The following PAN2 variants were observed in gnomAD, a reference collection of about 807,000 sequenced individuals.
The protein encoded by PAN2 is poly(A) specific ribonuclease subunit PAN2, also known as PAN2-PAN3 deadenylation complex catalytic subunit PAN2.
A neutral mutation model predicts 133.3 loss-of-function variants in PAN2; 68 were observed. That is an observed-to-expected ratio of 0.51 (90% CI 0.42 to 0.62). The LOEUF (loss-of-function observed/expected upper bound fraction) is 0.62. Ranked by LOEUF, PAN2 falls within the 20% of genes least tolerant of loss-of-function variation. The pLI is 0.00. For missense variants in PAN2, 1,042 were observed against 1,500.5 expected, an observed-to-expected ratio of 0.69 and a Z score of 5.05; for synonymous variants, 462 against 544.6, an observed-to-expected ratio of 0.85 and a Z score of 2.11.
intron 2 of PAN2, among the ~76,000 whole-genome samples, chr12:56,330,650 C>T (rs1047210259): frequency 1.6e-4 from 25 of 151,948 alleles, no homozygotes; most frequent in Non-Finnish European, 1.5e-5. Context: ...TGAGCCACCG[C>T]GCCCGGCCTG....
Position 56,317,042 on chromosome 12 carries a change from G to A in PAN2, c.*567C>T, listed in dbSNP as rs1032064272. On this transcript the variant is annotated 3_prime_UTR_variant, in exon 26 of 26. Transcript: ENST00000440411. ...CTTGGGACAGGCAAGTGGGATGGAA[G>A]ACAGATGCTTCTCAGCCATCAGCAG... The A allele has an allele frequency of 2.6e-5, 4 of 152,710 alleles. No individual in the cohort carries two copies. The highest frequency in any genetic ancestry group is 1.3e-4 in the Admixed American group (2 of 15,292). 9.5% of individuals were successfully genotyped at this position (152,710 alleles called of 1,614,324 possible). A position where few individuals can be genotyped will look rare whatever the true frequency, so the allele number is the denominator to read the frequency against.
chr12:56,332,683 C>T (rs1293939807), intron 2 of PAN2, 130 bp downstream of exon 2: 9 of 847,006 alleles, frequency 1.1e-5, no homozygotes, highest in Middle Eastern at 2.7e-4. Context: ...CTTTATCCCT[C>T]CAACCAGACC....
Position 56,326,639 on chromosome 12 carries a change from C to T in PAN2, c.1240G>A (p.Ala414Thr). 6.2e-7 allele frequency: 1 copy of T among 1,613,234 alleles called. No homozygotes were observed. Among genetic ancestry groups the T allele is most frequent in the Non-Finnish European group, 8.5e-7 (1 of 1,179,428 alleles). The change falls in exon 7 of 26, where the codon GCC (alanine) becomes ACC (threonine). Residue 414 changes from alanine to threonine, a missense_variant. Ala to Thr is a moderately conservative substitution (Grantham distance 58). Around this residue, in one of 3 missense-constraint regions of PAN2, gnomAD observed 908 missense variants for 1,223.5 expected, o/e 0.74. Transcript: ENST00000440411. ...TDTLLSDWPA[A>T]NSAPAPRRAP... ...AACCTGGGAGCTGGAGCAGAGTTGG[C>T]AGCAGGCCAATCAGAGAGAAGTGTG... is the stretch of plus-strand genomic sequence containing the variant.
At chr12:56,326,983 T>G (rs1169353668) in intron 6 of PAN2, 24 bp from the exon 7 acceptor site, 2 of 1,590,366 alleles carry the variant, frequency 1.3e-6, no homozygotes, top group Admixed American at 1.7e-5. Context: ...AGAAACCCAC[T>G]GAGCCCTAGA....
chr12:56,322,948 G>C (rs1374011237), intron 17 of PAN2, 114 bp downstream of exon 17: 1 of 1,363,048 alleles, frequency 7.3e-7, no homozygotes, highest in East Asian at 2.3e-5. Context: ...GTAAATACTA[G>C]GCCTTATTCT....
intron 3 of PAN2, 49 bp from the exon 4 acceptor site, chr12:56,328,407 A>G (rs371838420): frequency 6.7e-5 from 107 of 1,599,826 alleles, no homozygotes; most frequent in Non-Finnish European, 7.4e-5. Context: ...CAAGCTGCCA[A>G]TCCCTTAGCC....
intron 17 of PAN2, 89 bp downstream of exon 17, chr12:56,322,973 T>C (rs1462583057): frequency 6.6e-7 from 1 of 1,509,442 alleles, no homozygotes; most frequent in East Asian, 2.3e-5. Flanking sequence ...CTTTTCCCTC[T>C]GCTAAGTTTC....
chr12:56,318,825 C>T (rs903352313), intron 24 of PAN2, among the ~76,000 whole-genome samples: 3 of 152,040 alleles, frequency 2.0e-5, no homozygotes, highest in Admixed American at 6.6e-5. Context: ...GCACCCAATA[C>T]GTAATTTTCA....
rs771136363 is a variant in PAN2, at chr12:56,325,005, T to C, written c.1599+4A>G. ...TTCAAGTTACAGGAATACCCAACCC[T>C]TACCTGGATCATGCAGTTACAGTAG... On this transcript the variant is annotated splice_donor_region_variant and intron_variant, in intron 10 of 25. Coordinates refer to ENST00000440411, the MANE Select transcript of PAN2 (RefSeq NM_014871.6). 17 of 1,613,870 alleles carry C rather than the reference T, an allele frequency of 1.1e-5. No individual in the cohort carries two copies. In the South Asian group the frequency reaches 1.9e-4, roughly 18 times the overall value.
Position 56,322,406 on chromosome 12 carries a change from A to G in PAN2, c.2697+17T>C, listed in dbSNP as rs374951600. 192 of 1,596,226 alleles carry G rather than the reference A, an allele frequency of 1.2e-4. No homozygotes were observed. The highest frequency in any genetic ancestry group is 5.0e-4 in the Middle Eastern group (3 of 6,040). ...AAAGGGGAAATGAAAGAAGAAACAGAACATGTTGCAACTAACCTTATCAAT... is the reference window on the plus strand; with the variant it reads ...AAAGGGGAAATGAAAGAAGAAACAGGACATGTTGCAACTAACCTTATCAAT... On this transcript the variant is annotated intron_variant, in intron 19 of 25. Coordinates refer to ENST00000440411, the MANE Select transcript of PAN2 (RefSeq NM_014871.6).
Position 56,324,584 on chromosome 12 carries a change from G to A in PAN2, c.1725C>T (p.Cys575=), listed in dbSNP as rs1874907535. ...HMLDLSRGDP[C]QGNNFLRAFR... ...TTAAGTGTCTCCAAGTACTGACCTG[G>A]CAAGGGTCACCACGAGAGAGGTCCA... The change falls in exon 11 of 26, where the codon TGC becomes TGT. Residue 575 remains cysteine (C), a synonymous_variant. Transcript: ENST00000440411. 4 of 1,613,796 alleles carry A rather than the reference G, an allele frequency of 2.5e-6. No individual in the cohort carries two copies. The highest frequency in any genetic ancestry group is 2.2e-5 in the East Asian group (1 of 44,890).
chr12:56,327,896 C>A, intron 5 of PAN2, 99 bp downstream of exon 5: 1 of 1,559,438 alleles, frequency 6.4e-7, no homozygotes, highest in Non-Finnish European at 8.7e-7. Flanking sequence ...TCCCTCACCT[C>A]CAATCCAACT....
At chr12:56,330,183 G>C (rs143916174) in intron 2 of PAN2, among the ~76,000 whole-genome samples, 1 of 151,980 alleles carries the variant, frequency 6.6e-6, no homozygotes, top group African/African-American at 2.4e-5. Context: ...CTATTCAAAT[G>C]TTACTTTATC....
At chr12:56,327,785 G>GA (rs1291266468) in intron 5 of PAN2, 154 bp from the exon 6 acceptor site, 6 of 1,238,730 alleles carry the variant, frequency 4.8e-6, no homozygotes, top group Middle Eastern at 2.1e-4. Flanking sequence ...CCCAGAGCCA[G>GA]AAGGGGCTTC....
rs141605927 is a variant in PAN2, at chr12:56,323,886, G to A, written c.2093C>T (p.Ala698Val). The A allele has an allele frequency of 3.1e-6, 5 of 1,614,056 alleles. No homozygotes were observed. The highest frequency in any genetic ancestry group is 3.4e-6 in the Non-Finnish European group (4 of 1,179,868). Residue 698 changes from alanine to valine, a missense_variant, in exon 14 of 26, where the codon GCT becomes GTT. Transcript: ENST00000440411. ...GCAGATGCTTCGCTTCAGCACCTGA[G>A]CAAAGTCATAGTTCTTCCCAGTTTT... ...DDKTGKNYDFAQVLKRSICLD... is the reference protein window; with the variant it reads ...DDKTGKNYDFVQVLKRSICLD...
intron 9 of PAN2, 95 bp from the exon 10 acceptor site, chr12:56,325,223 T>C: frequency 1.3e-6 from 2 of 1,579,172 alleles, no homozygotes; most frequent in African/African-American, 1.4e-5. Context: ...TCCTCCTGGG[T>C]CCAGGGTGGT....
Position 56,326,935 on chromosome 12 carries a change from G to A in PAN2, c.944C>T (p.Thr315Ile). Residue 315 changes from threonine to isoleucine, a missense_variant, in exon 7 of 26, where the codon ACA (threonine) becomes ATA (isoleucine). By Grantham distance (89) the Thr-to-Ile change is moderately conservative. Coordinates refer to ENST00000440411, the MANE Select transcript of PAN2 (RefSeq NM_014871.6). Reference sequence around the variant, plus strand: ...GATATCGGCTGGGTTGGCCAGGCCTGTGGGTTCACAGAATTGGCACTGCCC... The same window carrying A: ...GATATCGGCTGGGTTGGCCAGGCCTATGGGTTCACAGAATTGGCACTGCCC... ...QSGQCQFCEP[T>I]GLANPADIFH... 1 of 1,613,826 alleles carries A rather than the reference G, an allele frequency of 6.2e-7. No individual in the cohort carries two copies. Among genetic ancestry groups the A allele is most frequent in the Non-Finnish European group, 8.5e-7 (1 of 1,179,832 alleles).
rs892077725 is a variant in PAN2, at chr12:56,319,295, A to T, written c.3270+13T>A. 1.9e-6 allele frequency: 3 copies of T among 1,612,146 alleles called. No homozygotes were observed. Among genetic ancestry groups the T allele is most frequent in the Non-Finnish European group, 2.5e-6 (3 of 1,179,120 alleles). On this transcript the variant is annotated intron_variant, in intron 23 of 25. Coordinates refer to ENST00000440411, the MANE Select transcript of PAN2 (RefSeq NM_014871.6). The surrounding 1 kb of genome is among the most constrained non-coding windows in gnomAD (Gnocchi z 5.4). ...ACTCTCACAAGAAGACTCTTAAAAG[A>T]GCCCTGCCAAACCATCAGGTTGATG...
At position 56,323,484 on chromosome 12, in the gene PAN2, T is replaced by C; in HGVS notation, c.2271+16A>G. 6.2e-7 allele frequency: 1 copy of C among 1,612,012 alleles called. No individual in the cohort carries two copies. The highest frequency in any genetic ancestry group is 8.5e-7 in the Non-Finnish European group (1 of 1,178,052). ...AAAATTATTCCGGAAGCCTTGTTTC[T>C]AGTCTGAGTCCTTACCTCAGCCTGC... On this transcript the variant is annotated intron_variant, in intron 15 of 25. Transcript: ENST00000440411.
Sources: gnomAD v4.1 joint callset for allele counts (sites outside exome capture counted in the v4.1 genomes callset) on GRCh38, gnomAD v4.1.1 for gene constraint, gnomAD v4.1.1 regional missense constraint, Gnocchi (gnomAD v3.1) non-coding constraint, MANE v1.5 for transcripts, NCBI Gene and HGNC (gene_info 2026-07-23, HGNC 2026-07-21) for gene names.